FADS2: variants seen among roughly 807,000 people sequenced by gnomAD.
FADS2 encodes the protein fatty acid desaturase 2.
A neutral mutation model predicts 61.2 loss-of-function variants in FADS2; 18 were observed. That is an observed-to-expected ratio of 0.29 (90% CI 0.20 to 0.44). The LOEUF (loss-of-function observed/expected upper bound fraction) is 0.44, where lower values mean the gene tolerates loss of function less well. Among genes scored for constraint, FADS2 ranks in the 20% least tolerant of loss-of-function variants. The pLI is 1.00. For synonymous variants in FADS2, 203 were observed against 223.9 expected (o/e 0.91, Z 0.83); for missense variants, 322 against 572.7 (o/e 0.56, Z 4.47).
At chr11:61,843,790 C>T (rs1384339724) in intron 4 of FADS2, among the ~76,000 whole-genome samples, 1 of 152,126 alleles carries the variant, frequency 6.6e-6, no homozygotes, top group African/African-American at 2.4e-5. Context: ...TCCCGAGTAG[C>T]TGGGATTACA....
intron 5 of FADS2, among the ~76,000 whole-genome samples, chr11:61,853,663 A>G (rs1205674066): frequency 1.3e-5 from 2 of 151,832 alleles, no homozygotes; most frequent in Non-Finnish European, 2.9e-5. Flanking sequence ...CTTGAGGCAG[A>G]CCTTCATGAA....
chr11:61,848,078 G>C lies in FADS2; in HGVS notation c.619-81G>C. 2.5e-6 allele frequency: 4 copies of C among 1,581,022 alleles called. No individual in the cohort carries two copies. The South Asian group carries it at 3.4e-5, about 13-fold the overall frequency. On this transcript the variant is annotated intron_variant, in intron 4 of 11. Transcript: ENST00000278840. ...CCGAGGGTTGAAGGTTCCGGGAACT[G>C]CTCCTAAGAAGGGCCTGTTACAAGC...
intron 1 of FADS2, among the ~76,000 whole-genome samples, chr11:61,834,205 G>A (rs895704726): frequency 8.5e-5 from 13 of 152,348 alleles, no homozygotes; most frequent in Admixed American, 2.6e-4. Flanking sequence ...AGGGCGGTCC[G>A]CACCAGGCCT....
intron 2 of FADS2, among the ~76,000 whole-genome samples, chr11:61,838,294 G>A (rs2067191318): frequency 6.6e-6 from 1 of 152,060 alleles, no homozygotes; most frequent in African/African-American, 2.4e-5. Context: ...TTGTCTGCAG[G>A]TCAGACGCCC....
At chr11:61,817,510 A>G (rs1041360732) in intron 1 of FADS2, among the ~76,000 whole-genome samples, 1 of 152,214 alleles carries the variant, frequency 6.6e-6, no homozygotes, top group Non-Finnish European at 1.5e-5. Context: ...CACAATTTTT[A>G]TAACCCTGTT....
At chr11:61,856,856 C>T in intron 5 of FADS2, 155 bp from the exon 6 acceptor site, 1 of 690,922 alleles carries the variant, frequency 1.4e-6, no homozygotes. Flanking sequence ...TGGAGGGGCC[C>T]CAGGCTTGGT....
chr11:61,845,281 G>A (rs902244093), intron 4 of FADS2, among the ~76,000 whole-genome samples: 1 of 152,058 alleles, frequency 6.6e-6, no homozygotes, highest in Non-Finnish European at 1.5e-5. Context: ...TGGGTTTGGT[G>A]TGATGAGGCC....
intron 1 of FADS2, among the ~76,000 whole-genome samples, chr11:61,837,270 A>AT (rs982756739): frequency 1.3e-5 from 2 of 152,076 alleles, no homozygotes; most frequent in African/African-American, 4.8e-5. Flanking sequence ...TTCTGTGTTT[A>AT]TTTTTTTATT....
intron 5 of FADS2, among the ~76,000 whole-genome samples, chr11:61,852,027 C>A (rs2067311054): frequency 6.6e-6 from 1 of 152,172 alleles, no homozygotes; most frequent in African/African-American, 2.4e-5. Context: ...TCGGCCTTCA[C>A]TTTTCTCCAG....
intron 6 of FADS2, 45 bp downstream of exon 6, chr11:61,857,116 C>T (rs748586049): frequency 2.4e-5 from 36 of 1,499,080 alleles, no homozygotes; most frequent in Non-Finnish European, 3.2e-5. Flanking sequence ...CCTCCCCTCC[C>T]CCCAGAGTGG....
At chr11:61,862,658 C>T (rs979034889) in intron 7 of FADS2, 6 of 368,624 alleles carry the variant, frequency 1.6e-5, no homozygotes, top group Non-Finnish European at 2.5e-5. Context: ...TTCAGAATCG[C>T]CCTTGCCCCA....
At position 61,816,744 on chromosome 11, in the gene FADS2, C is replaced by A. The variant is rs1364380970; in HGVS notation, c.141+318C>A. On this transcript the variant is annotated intron_variant, in intron 1 of 11. Transcript: ENST00000257261. The surrounding 1 kb of genome is among the most constrained non-coding windows in gnomAD (Gnocchi z 7.0). ...CCTGAGCCGCGGTCTCGGCGGCCAC[C>A]GGGTCGGGGGCCATAGCTGGCCTGG... 6.4e-7 allele frequency: 1 copy of A among 1,551,944 alleles called. No individual in the cohort carries two copies. Among genetic ancestry groups the A allele is most frequent in the Non-Finnish European group, 8.7e-7 (1 of 1,149,584 alleles).
chr11:61,823,399 C>T (rs1188054527), upstream of FADS2, among the ~76,000 whole-genome samples: 2 of 152,248 alleles, frequency 1.3e-5, no homozygotes, highest in Non-Finnish European at 2.9e-5. Flanking sequence ...GATCCCTTAT[C>T]TGTAAAGTGA....
chr11:61,844,240 C>T (rs1057149709), intron 4 of FADS2, among the ~76,000 whole-genome samples: 1 of 152,108 alleles, frequency 6.6e-6, no homozygotes, highest in African/African-American at 2.4e-5. Context: ...TATACTTTTG[C>T]TTCAGTTGAA....
chr11:61,834,466 G>A (rs1053705389), intron 1 of FADS2, among the ~76,000 whole-genome samples: 29 of 151,938 alleles, frequency 1.9e-4, no homozygotes, highest in African/African-American at 6.8e-4. Flanking sequence ...CCTGCCTGGC[G>A]CATGCCCATT....
chr11:61,855,821 T>G (rs1311170798), intron 5 of FADS2: 1 of 152,340 alleles, frequency 6.6e-6, no homozygotes, highest in African/African-American at 2.4e-5. Flanking sequence ...TAACTCACTT[T>G]GACCTCCTGA....
chr11:61,840,199 G>A (rs570642122), intron 2 of FADS2, 135 bp from the exon 3 acceptor site: 7 of 720,770 alleles, frequency 9.7e-6, no homozygotes, highest in Admixed American at 4.1e-5. Context: ...CTGGAGGGTC[G>A]AGGCTTGTGG....
intron 5 of FADS2, among the ~76,000 whole-genome samples, chr11:61,853,241 CTT>C (rs755812186): frequency 0.11 from 15,542 of 144,392 alleles, 1,528 homozygotes; most frequent in East Asian, 0.41. Flanking sequence ...CTCTTTCTTT[CTT>C]TCTCTCTCTC....
At chr11:61,842,885 C>T (rs993132008) in intron 4 of FADS2, among the ~76,000 whole-genome samples, 1 of 152,210 alleles carries the variant, frequency 6.6e-6, no homozygotes, top group South Asian at 2.1e-4. Context: ...TCAAGGGCCT[C>T]GCCAACTCAG....
Sources: gnomAD v4.1 joint callset for allele counts (sites outside exome capture counted in the v4.1 genomes callset) on GRCh38, gnomAD v4.1.1 for gene constraint, Gnocchi (gnomAD v3.1) non-coding constraint, MANE v1.5 for transcripts, NCBI Gene and HGNC (gene_info 2026-07-23, HGNC 2026-07-21) for gene names.